Variants in MYO18A observed in about 807,000 individuals in gnomAD.
MYO18A encodes unconventional myosin-XVIIIa.
MYO18A carries 78 observed loss-of-function variants against 235.8 expected under a neutral mutation model. The ratio of observed to expected loss-of-function variants is 0.33; its 90% CI spans 0.28 to 0.40. The LOEUF (loss-of-function observed/expected upper bound fraction) is 0.40. Ranked by LOEUF, MYO18A falls within the 10% of genes least tolerant of loss-of-function variation. MYO18A has a pLI of 1.00. For synonymous variants in MYO18A, 977 were observed against 1,077.8 expected, an observed-to-expected ratio of 0.91 and a Z score of 1.83; for missense variants, 2,215 against 2,699.3, an observed-to-expected ratio of 0.82 and a Z score of 3.98.
At chr17:29,115,530 C>G (rs2067038093) in intron 12 of MYO18A, 89 bp from the exon 13 acceptor site, 2 of 1,506,360 alleles carry the variant, frequency 1.3e-6, no homozygotes, top group African/African-American at 2.8e-5. Context: ...CCAGTCAGCA[C>G]GGGGCCTGGG....
At chr17:29,162,928 G>A (rs2068205101) in intron 2 of MYO18A, among the ~76,000 whole-genome samples, 1 of 152,224 alleles carries the variant, frequency 6.6e-6, no homozygotes, top group Non-Finnish European at 1.5e-5. Flanking sequence ...ATGTGAGAGG[G>A]AAACCCAAGG....
At chr17:29,091,964 G>A (rs349266) in intron 34 of MYO18A, 1 of 330,276 alleles carries the variant, frequency 3.0e-6, no homozygotes, top group South Asian at 2.7e-5. Flanking sequence ...GCAGGGGGAA[G>A]GGGAAGGAAG....
At chr17:29,136,395 C>T (rs2067604605) in intron 2 of MYO18A, among the ~76,000 whole-genome samples, 1 of 150,776 alleles carries the variant, frequency 6.6e-6, no homozygotes, top group East Asian at 1.9e-4. Context: ...AAGGTGGTGG[C>T]AGCATATGTG....
intron 2 of MYO18A, among the ~76,000 whole-genome samples, chr17:29,162,708 C>T (rs2068199894): frequency 6.6e-6 from 1 of 152,232 alleles, no homozygotes; most frequent in Admixed American, 6.5e-5. Flanking sequence ...ACCTAGTATG[C>T]AGTAAGTGCT....
At chr17:29,174,712 T>C (rs1038293280) in intron 1 of MYO18A, among the ~76,000 whole-genome samples, 1 of 151,922 alleles carries the variant, frequency 6.6e-6, no homozygotes, top group Non-Finnish European at 1.5e-5. Flanking sequence ...CTCAGGAGGC[T>C]GAGGCAGGAG....
intron 41 of MYO18A, chr17:29,078,616 G>A (rs943774973): frequency 6.6e-6 from 1 of 152,260 alleles, no homozygotes; most frequent in Admixed American, 6.5e-5. Context: ...CATACCTCCT[G>A]GGAAGCAGCA....
chr17:29,134,470 C>T (rs2067547286), intron 2 of MYO18A, among the ~76,000 whole-genome samples: 1 of 152,214 alleles, frequency 6.6e-6, no homozygotes, highest in Admixed American at 6.5e-5. Flanking sequence ...CTCAAGGCCT[C>T]TCCATGTCTG....
rs1208548002 is a variant in MYO18A, at chr17:29,120,748, C to T, written c.1596G>A (p.Trp532Ter). ...SGNKVFSVEK[W>*]QALYTLLEAF... ...CTTCCAGGAGGGTGTACAGAGCCTG[C>T]CACTTCTCCACTGCAGAATACAGGC... Residue 532 changes from tryptophan to a stop codon, truncating the protein, a stop_gained, in exon 7 of 42, where the codon TGG becomes TGA. Transcript: ENST00000527372. LOFTEE classifies it high-confidence loss of function. The surrounding 1 kb of genome is among the most constrained non-coding windows in gnomAD (Gnocchi z 4.2). 6.2e-7 allele frequency: 1 copy of T among 1,613,108 alleles called. No homozygotes were observed. Among genetic ancestry groups the T allele is most frequent in the Non-Finnish European group, 8.5e-7 (1 of 1,179,458 alleles).
chr17:29,086,897 G>T (rs1282662982), intron 38 of MYO18A, 39 bp downstream of exon 38: 1 of 1,580,836 alleles, frequency 6.3e-7, no homozygotes, highest in Non-Finnish European at 8.6e-7. Flanking sequence ...CTACTCAAGG[G>T]GCTGCCATGT....
chr17:29,074,021 G>T lies in MYO18A; in HGVS notation c.*749C>A, dbSNP rs1308807247. ...AGACAAAGAGGGTGGGGTGGGGGCT[G>T]GAGGTGCGGATGGTCCACACACACA... On this transcript the variant is annotated 3_prime_UTR_variant, in exon 42 of 42. Transcript: ENST00000527372. The surrounding 1 kb of genome is among the most constrained non-coding windows in gnomAD (Gnocchi z 4.4). 6.2e-7 allele frequency: 1 copy of T among 1,613,990 alleles called. No homozygotes were observed. Among genetic ancestry groups the T allele is most frequent in the Non-Finnish European group, 8.5e-7 (1 of 1,179,988 alleles).
intron 2 of MYO18A, among the ~76,000 whole-genome samples, chr17:29,148,901 C>T (rs914223541): frequency 6.6e-6 from 1 of 152,166 alleles, no homozygotes; most frequent in African/African-American, 2.4e-5. Flanking sequence ...GCCCCAGGCC[C>T]GGGGCGGCAC....
intron 2 of MYO18A, among the ~76,000 whole-genome samples, chr17:29,160,882 C>G (rs2068157552): frequency 6.6e-6 from 1 of 152,216 alleles, no homozygotes; most frequent in Admixed American, 6.5e-5. Context: ...GAGTGGTAAG[C>G]CTTCCTTTAA....
chr17:29,080,468 G>C (rs2066091919), intron 41 of MYO18A: 4 of 986,012 alleles, frequency 4.1e-6, no homozygotes, highest in Non-Finnish European at 3.6e-6. Context: ...AGGCAGCTCC[G>C]GCCCAGGGAC....
chr17:29,073,501 G>C lies in MYO18A; in HGVS notation c.*1269C>G. 1 of 191,844 alleles carries C rather than the reference G, an allele frequency of 5.2e-6. No individual in the cohort carries two copies. The highest frequency in any genetic ancestry group is 1.5e-4 in the South Asian group (1 of 6,820). 11.9% of individuals were successfully genotyped at this position (191,844 alleles called of 1,614,324 possible). ...GACTTTGCCTGAGCCTGAAGGAACA[G>C]GCAGGAAAACTGGCGCAGCCAGGAG... On this transcript the variant is annotated 3_prime_UTR_variant, in exon 42 of 42. Transcript: ENST00000527372.
intron 1 of MYO18A, among the ~76,000 whole-genome samples, chr17:29,173,106 T>TTG (rs2068442609): frequency 1.3e-5 from 2 of 151,958 alleles, no homozygotes; most frequent in Non-Finnish European, 1.5e-5. Flanking sequence ...TACTTTTTTT[T>TTG]TTTTTGAGAC....
intron 41 of MYO18A, among the ~76,000 whole-genome samples, chr17:29,079,410 CTT>C (rs1194148709): frequency 6.6e-6 from 1 of 152,226 alleles, no homozygotes; most frequent in Admixed American, 6.5e-5. Context: ...GCTAATCAGA[CTT>C]TGTTACGGAG....
At chr17:29,167,073 G>T (rs542471825) in intron 1 of MYO18A, 52 bp from the exon 2 acceptor site, 1 of 1,315,318 alleles carries the variant, frequency 7.6e-7, no homozygotes, top group Non-Finnish European at 1.0e-6. Context: ...AGCCTCATGT[G>T]TCTCCAGTCC....
chr17:29,119,542 C>T (rs2067148594), intron 7 of MYO18A, 107 bp from the exon 8 acceptor site: 1 of 530,856 alleles, frequency 1.9e-6, no homozygotes, highest in Non-Finnish European at 3.2e-6. Flanking sequence ...CCCTGGGGAA[C>T]AAGCAGCTGC....
At chr17:29,172,130 A>G (rs1366326347) in intron 1 of MYO18A, among the ~76,000 whole-genome samples, 2 of 150,922 alleles carry the variant, frequency 1.3e-5, no homozygotes, top group African/African-American at 4.9e-5. Context: ...AAGTAAGCCC[A>G]GTGTCAGAGC....
Sources: allele counts gnomAD v4.1 joint callset (sites outside exome capture counted in the v4.1 genomes callset), GRCh38; gene constraint gnomAD v4.1.1; non-coding constraint Gnocchi (gnomAD v3.1); transcripts MANE v1.5; gene names NCBI Gene and HGNC (gene_info 2026-07-23, HGNC 2026-07-21).